Variants in MSH4 observed in about 807,000 individuals in gnomAD.
MSH4 encodes mutS protein homolog 4.
Under a neutral mutation model 113.7 loss-of-function variants are expected in MSH4, and 106 were observed. The ratio of observed to expected loss-of-function variants is 0.93; its 90% CI spans 0.80 to 1.10. The LOEUF (loss-of-function observed/expected upper bound fraction) is 1.10. MSH4 is among the 50% of genes least tolerant of loss of function. MSH4 has a pLI of 0.00. For missense variants in MSH4, 1,061 were observed against 1,093.7 expected (o/e 0.97, Z 0.42); for synonymous variants, 368 against 380.2 (o/e 0.97, Z 0.37).
intron 8 of MSH4, among the ~76,000 whole-genome samples, chr1:75,852,758 G>A (rs1284486765): frequency 6.6e-6 from 1 of 151,880 alleles, no homozygotes; most frequent in Admixed American, 6.6e-5. Context: ...TATATATTTT[G>A]GATACCAATC....
rs569660392 is a variant in MSH4, at chr1:75,898,568, G to C, written c.2530+487G>C. On this transcript the variant is annotated intron_variant, in intron 18 of 19. Coordinates refer to ENST00000263187, the MANE Select transcript of MSH4 (RefSeq NM_002440.4). ...AAGTCTCACTCTGTCGCCCAGGCTGGAATGCAGTGGCACTATCTCTGCTCA... is the reference window on the plus strand; with the variant it reads ...AAGTCTCACTCTGTCGCCCAGGCTGCAATGCAGTGGCACTATCTCTGCTCA... Among the ~76,000 whole-genome samples, 24 of 149,786 alleles carry C rather than the reference G, an allele frequency of 1.6e-4. No homozygotes were observed. In the South Asian group the frequency reaches 1.9e-3, roughly 12 times the overall value.
At chr1:75,868,181 C>A (rs1308266387) in intron 9 of MSH4, among the ~76,000 whole-genome samples, 2 of 152,160 alleles carry the variant, frequency 1.3e-5, no homozygotes, top group Non-Finnish European at 2.9e-5. Flanking sequence ...GGCCTTAATA[C>A]TCTATGATGT....
intron 6 of MSH4, among the ~76,000 whole-genome samples, chr1:75,820,327 T>A (rs1650382164): frequency 6.6e-6 from 1 of 152,230 alleles, no homozygotes; most frequent in South Asian, 2.1e-4. Context: ...TCAAAATATA[T>A]CCTCATAAAA....
In MSH4 at chr1:75,815,013, C is replaced by A. The variant is rs778624575; in HGVS notation, c.700-8C>A. The stretch of plus-strand genomic sequence containing the variant: ...AAACTTTATTTTGAAATTAAAACTT[C>A]TTTTCAGAATGTTAATTTCACTACT... On this transcript the variant is annotated splice_region_variant and splice_polypyrimidine_tract_variant and intron_variant, in intron 4 of 19. Transcript: ENST00000263187. 70 of 1,525,848 alleles carry A rather than the reference C, an allele frequency of 4.6e-5. No individual in the cohort carries two copies. Among genetic ancestry groups the A allele is most frequent in the Non-Finnish European group, 5.9e-5 (65 of 1,105,756 alleles). The allele number at this position is 1,525,848 out of a possible 1,614,324, so 94.5% of individuals were successfully genotyped here.
chr1:75,853,022 T>C (rs1196747041), intron 8 of MSH4, among the ~76,000 whole-genome samples: 1 of 152,096 alleles, frequency 6.6e-6, no homozygotes, highest in Admixed American at 6.6e-5. Context: ...TGACTTTTTG[T>C]GGGCTTTTCC....
intron 7 of MSH4, among the ~76,000 whole-genome samples, chr1:75,835,296 T>C (rs929381720): frequency 6.6e-6 from 1 of 152,208 alleles, no homozygotes; most frequent in Non-Finnish European, 1.5e-5. Flanking sequence ...TCCAGTATAT[T>C]CTTTTTTAAA....
chr1:75,807,086 TA>T lies in MSH4; in HGVS notation c.539del (p.Asn180ThrfsTer18). 1 of 1,586,120 alleles carries T rather than the reference TA, an allele frequency of 6.3e-7. No homozygotes were observed. Among genetic ancestry groups the T allele is most frequent in the Non-Finnish European group, 8.5e-7 (1 of 1,172,102 alleles). On this transcript the variant is annotated frameshift_variant, in exon 3 of 20. Transcript: ENST00000263187. LOFTEE classifies it high-confidence loss of function. ...RGEIGMASIDLKNPQIILSQF... is the reference protein window; with the variant it reads ...RGEIGMASIDXKNPQIILSQF... ...GAAATAGGAATGGCAAGTATTGATT[TA>T]AAAAACCCCCAAATTATACTATCCC...
In MSH4 at chr1:75,810,806, A is replaced by G; in HGVS notation, c.698A>G (p.Lys233Arg). 1.3e-6 allele frequency: 2 copies of G among 1,482,092 alleles called. No individual in the cohort carries two copies. The highest frequency in any genetic ancestry group is 1.9e-6 in the Non-Finnish European group (2 of 1,077,936). The allele number at this position is 1,482,092 out of a possible 1,614,324, so 91.8% of individuals were successfully genotyped here. A position where few individuals can be genotyped will look rare whatever the true frequency, so the allele number is the denominator to read the frequency against. The change falls in exon 4 of 20, where the codon AAG becomes AGG. Residue 233 changes from lysine (K) to arginine (R), a missense_variant and splice_region_variant. Physicochemically the swap from Lys to Arg is conservative, Grantham distance 26. Coordinates refer to ENST00000263187, the MANE Select transcript of MSH4 (RefSeq NM_002440.4). ...KLFTLITENF[K>R]NVNFTTIQRK... ...TTCACTCTGATCACAGAAAATTTCA[A>G]GGTAAGTGATGTTTACTGTTTGTAA...
chr1:75,816,589 A>T lies in MSH4; in HGVS notation c.989+43A>T, dbSNP rs767540110. ...ATTTGTATAAAATATATCGGTATAT[A>T]TATATTTTTCTATTAATGGTAACTT... On this transcript the variant is annotated intron_variant, in intron 6 of 19. Coordinates refer to ENST00000263187, the MANE Select transcript of MSH4 (RefSeq NM_002440.4). 8 of 1,162,908 alleles carry T rather than the reference A, an allele frequency of 6.9e-6. No individual in the cohort carries two copies. In the African/African-American group the frequency reaches 1.3e-4, roughly 19 times the overall value. 72.0% of individuals were successfully genotyped at this position (1,162,908 alleles called of 1,614,324 possible). A position where few individuals can be genotyped will look rare whatever the true frequency, so the allele number is the denominator to read the frequency against.
intron 7 of MSH4, among the ~76,000 whole-genome samples, chr1:75,839,324 C>G (rs1208333346): frequency 6.6e-6 from 1 of 152,104 alleles, no homozygotes. Flanking sequence ...AAGCAATTCT[C>G]CAGCCTCAGC....
rs190795305 is a variant in MSH4, at chr1:75,857,240, C to T, written c.1230+8964C>T. 7.3e-4 allele frequency among the ~76,000 whole-genome samples: 111 copies of T among 152,224 alleles called. 1 individual carries two copies. The highest frequency in any genetic ancestry group is 5.4e-4 in the Non-Finnish European group (37 of 68,004). On this transcript the variant is annotated intron_variant, in intron 8 of 19. Transcript: ENST00000263187. ...AAATTTTCTCCCATTCTGTAAGTTG[C>T]CTATTCACTCTGATGATAGTTTCTT...
chr1:75,874,226 A>G (rs1409409846), intron 9 of MSH4, among the ~76,000 whole-genome samples: 1 of 152,080 alleles, frequency 6.6e-6, no homozygotes, highest in African/African-American at 2.4e-5. Flanking sequence ...ATGTCTTTAG[A>G]AAAGTGTCTG....
intron 4 of MSH4, among the ~76,000 whole-genome samples, chr1:75,814,423 C>T (rs1371053157): frequency 7.5e-6 from 1 of 133,952 alleles, no homozygotes; most frequent in South Asian, 2.3e-4. Context: ...TATGATCATG[C>T]CGCTGTATTC....
In MSH4 at chr1:75,797,851, T is replaced by A. The variant is rs371598657; in HGVS notation, c.244+622T>A. Among the ~76,000 whole-genome samples, 51 of 152,098 alleles carry A rather than the reference T, an allele frequency of 3.4e-4. 1 individual carries two copies. Among genetic ancestry groups the A allele is most frequent in the African/African-American group, 1.2e-3 (50 of 41,508 alleles). On this transcript the variant is annotated intron_variant, in intron 1 of 19. Transcript: ENST00000263187. The stretch of plus-strand genomic sequence containing the variant: ...GTCCCAGCTACTCAGGAGGTTGAGG[T>A]GGGAGGATGGCGAGTCCGGGAGGTC...
chr1:75,878,337 A>G lies in MSH4; in HGVS notation c.1540+19A>G, dbSNP rs1274449650. On this transcript the variant is annotated intron_variant, in intron 11 of 19. Transcript: ENST00000263187. ...ATAGCAGGTAATTTCTTTATTTGAT[A>G]ATGTTTTTTGTAGGGATAAAACAGC... is the stretch of plus-strand genomic sequence containing the variant. 2.6e-6 allele frequency: 4 copies of G among 1,560,042 alleles called. No individual in the cohort carries two copies. The highest frequency in any genetic ancestry group is 3.5e-6 in the Non-Finnish European group (4 of 1,158,308).
intron 8 of MSH4, among the ~76,000 whole-genome samples, chr1:75,862,023 C>G (rs998399587): frequency 1.3e-5 from 2 of 152,074 alleles, no homozygotes; most frequent in African/African-American, 4.8e-5. Flanking sequence ...GCCAAGCTCC[C>G]ACATCCCAGG....
rs536438157 is a variant in MSH4 at position 75,885,832 on chromosome 1, G to A, written c.2107+2011G>A. Among the ~76,000 whole-genome samples the A allele has an allele frequency of 1.0e-3, 127 of 124,200 alleles. 2 individuals carry two copies. The highest frequency in any genetic ancestry group is 8.9e-3 in the South Asian group (35 of 3,928). 81.5% of individuals were successfully genotyped at this position (124,200 alleles called of 152,430 possible). ...ACATATTATGTATAGTATATGTAAT[G>A]TATTATATATTATATAGTATATGTA... On this transcript the variant is annotated intron_variant, in intron 15 of 19. Coordinates refer to ENST00000263187, the MANE Select transcript of MSH4 (RefSeq NM_002440.4).
intron 2 of MSH4, 121 bp from the exon 3 acceptor site, chr1:75,806,860 C>A: frequency 2.5e-6 from 2 of 805,256 alleles, no homozygotes; most frequent in Non-Finnish European, 3.7e-6. Context: ...AAATAAGAGG[C>A]TAACTGATAT....
chr1:75,841,288 T>TTTTG (rs1650954998), intron 7 of MSH4, among the ~76,000 whole-genome samples: 1 of 151,598 alleles, frequency 6.6e-6, no homozygotes, highest in Non-Finnish European at 1.5e-5. Flanking sequence ...ATAACAAACC[T>TTTTG]CTGGGTTCAA....
Sources: allele counts gnomAD v4.1 joint callset (sites outside exome capture counted in the v4.1 genomes callset), GRCh38; gene constraint gnomAD v4.1.1; transcripts MANE v1.5; gene names NCBI Gene and HGNC (gene_info 2026-07-23, HGNC 2026-07-21).